The following RERE variants were observed in gnomAD, a reference collection of about 807,000 sequenced individuals.
RERE encodes the protein arginine-glutamic acid dipeptide repeats protein.
Under a neutral mutation model 146.1 loss-of-function variants are expected in RERE, and 40 were observed. The ratio of observed to expected loss-of-function variants is 0.27; its 90% CI spans 0.21 to 0.36. The LOEUF (loss-of-function observed/expected upper bound fraction) is 0.36. RERE is among the 10% of genes least tolerant of loss of function. The pLI, the probability that RERE is intolerant of heterozygous loss-of-function variation, is 1.00. For missense variants in RERE, 1,933 were observed against 2,138.7 expected, an observed-to-expected ratio of 0.90 and a Z score of 1.90; for synonymous variants, 1,003 against 866.0, an observed-to-expected ratio of 1.16 and a Z score of -2.78.
intron 1 of RERE, among the ~76,000 whole-genome samples, chr1:8,776,309 CTTTTT>C (rs926228458): frequency 2.0e-5 from 3 of 152,040 alleles, no homozygotes; most frequent in African/African-American, 7.2e-5. Flanking sequence ...TCATTCTTTT[CTTTTT>C]TAAGACAGGG....
chr1:8,729,546 A>G (rs116052604), intron 1 of RERE, among the ~76,000 whole-genome samples: 111 of 152,102 alleles, frequency 7.3e-4, no homozygotes, highest in African/African-American at 2.4e-3. Context: ...TGTATTTTCT[A>G]TGGTTGTTTG....
intron 7 of RERE, among the ~76,000 whole-genome samples, chr1:8,509,016 T>C (rs1169773244): frequency 6.6e-6 from 1 of 152,110 alleles, no homozygotes. Context: ...TTGGGTTCAA[T>C]TGATTCTCCT....
At chr1:8,409,110 A>G (rs184886492) in intron 12 of RERE, among the ~76,000 whole-genome samples, 11 of 152,362 alleles carry the variant, frequency 7.2e-5, no homozygotes, top group African/African-American at 2.6e-4. Context: ...GATCTGGGGA[A>G]AAGAGACTGT....
intron 7 of RERE, among the ~76,000 whole-genome samples, chr1:8,540,376 G>T (rs1313605171): frequency 1.3e-5 from 2 of 152,116 alleles, no homozygotes; most frequent in African/African-American, 4.8e-5. Flanking sequence ...GCCTCCTAAG[G>T]TTCTAGGATT....
At chr1:8,766,270 G>A (rs1640843080) in intron 1 of RERE, among the ~76,000 whole-genome samples, 1 of 152,154 alleles carries the variant, frequency 6.6e-6, no homozygotes, top group Non-Finnish European at 1.5e-5. Flanking sequence ...GCCAGGTGCA[G>A]TGGCTCACGC....
In RERE at chr1:8,493,007, A is replaced by G. The variant is rs368301506; in HGVS notation, c.1104+2056T>C. 1.1e-4 allele frequency among the ~76,000 whole-genome samples: 16 copies of G among 152,130 alleles called. No individual in the cohort carries two copies. The East Asian group carries it at 1.2e-3, about 11-fold the overall frequency. ...GAGGATCACTTGAGCCTGGGAGGTCAAGCCTGCAGTGAGCCTGCAGTGAGC... is the reference window on the plus strand; with the variant it reads ...GAGGATCACTTGAGCCTGGGAGGTCGAGCCTGCAGTGAGCCTGCAGTGAGC... On this transcript the variant is annotated intron_variant, in intron 10 of 22. Transcript: ENST00000400908.
intron 8 of RERE, among the ~76,000 whole-genome samples, chr1:8,498,941 C>G (rs937063510): frequency 6.6e-6 from 1 of 151,986 alleles, no homozygotes; most frequent in African/African-American, 2.4e-5. Flanking sequence ...ACGAACAATT[C>G]GCTGTACATA....
intron 1 of RERE, among the ~76,000 whole-genome samples, chr1:8,790,814 G>A (rs1557544900): frequency 6.6e-6 from 1 of 152,122 alleles, no homozygotes; most frequent in Non-Finnish European, 1.5e-5. Flanking sequence ...TCAAATTACT[G>A]ACCTCAAGTG....
At chr1:8,378,891 T>G (rs1642352350) in intron 12 of RERE, among the ~76,000 whole-genome samples, 1 of 152,192 alleles carries the variant, frequency 6.6e-6, no homozygotes, top group African/African-American at 2.4e-5. Context: ...TGGAGCTGAC[T>G]GTCAGCAGTG....
chr1:8,594,714 T>C (rs1646534986), intron 4 of RERE, among the ~76,000 whole-genome samples: 1 of 152,182 alleles, frequency 6.6e-6, no homozygotes, highest in Non-Finnish European at 1.5e-5. Flanking sequence ...TGGTTAATAG[T>C]AACATATTAT....
intron 11 of RERE, among the ~76,000 whole-genome samples, chr1:8,442,675 A>C (rs1644265450): frequency 6.6e-6 from 1 of 152,222 alleles, no homozygotes; most frequent in Admixed American, 6.5e-5. Context: ...ACTGCTATAA[A>C]GACACCTGAA....
intron 10 of RERE, among the ~76,000 whole-genome samples, chr1:8,475,687 G>GA (rs896072847): frequency 0.019 from 1,982 of 104,638 alleles, 39 homozygotes; most frequent in African/African-American, 0.061. Context: ...TGTCTCAAGA[G>GA]AAAAAAAAAA....
intron 19 of RERE, 28 bp from the exon 20 acceptor site, chr1:8,358,944 G>A: frequency 6.6e-7 from 1 of 1,504,120 alleles, no homozygotes; most frequent in South Asian, 1.3e-5. Context: ...AGCGTGAGGG[G>A]TCCCCCGAGC....
intron 3 of RERE, among the ~76,000 whole-genome samples, chr1:8,617,564 C>A (rs1166313254): frequency 6.6e-6 from 1 of 152,070 alleles, no homozygotes; most frequent in Non-Finnish European, 1.5e-5. Flanking sequence ...TTATATGGTA[C>A]AAGCCAAGAA....
At chr1:8,501,081 G>A (rs1175815491) in intron 8 of RERE, among the ~76,000 whole-genome samples, 1 of 145,124 alleles carries the variant, frequency 6.9e-6, no homozygotes, top group African/African-American at 2.5e-5. Context: ...CGTCCGGGAG[G>A]TGAGGGGCTC....
At chr1:8,495,310 CTA>C in intron 9 of RERE, 148 bp from the exon 10 acceptor site, 1 of 514,204 alleles carries the variant, frequency 1.9e-6, no homozygotes, top group East Asian at 3.4e-5. Flanking sequence ...GCCTCTGCTC[CTA>C]TTTTTTTTTT....
At chr1:8,504,861 A>T (rs541244447) in intron 8 of RERE, among the ~76,000 whole-genome samples, 15 of 152,322 alleles carry the variant, frequency 9.8e-5, no homozygotes, top group Admixed American at 2.6e-4. Context: ...TCAAAAAAAA[A>T]AAATAAATGA....
chr1:8,640,014 A>T (rs1453969188), intron 2 of RERE, among the ~76,000 whole-genome samples: 1 of 152,178 alleles, frequency 6.6e-6, no homozygotes, highest in Non-Finnish European at 1.5e-5. Flanking sequence ...ACAGCTAGGC[A>T]TGGTGATATG....
chr1:8,749,773 A>G (rs1333422988), intron 1 of RERE, among the ~76,000 whole-genome samples: 1 of 152,226 alleles, frequency 6.6e-6, no homozygotes, highest in Non-Finnish European at 1.5e-5. Context: ...TCCCAGCAGA[A>G]TGAGAATCTG....
Sources: gnomAD v4.1 joint callset for allele counts (sites outside exome capture counted in the v4.1 genomes callset) on GRCh38, gnomAD v4.1.1 for gene constraint, MANE v1.5 for transcripts, NCBI Gene and HGNC (gene_info 2026-07-23, HGNC 2026-07-21) for gene names.